The following TNRC6C variants were observed in gnomAD, a reference collection of about 807,000 sequenced individuals.
TNRC6C encodes the protein trinucleotide repeat containing adaptor 6C.
A neutral mutation model predicts 153.7 loss-of-function variants in TNRC6C; 20 were observed. The ratio of observed to expected loss-of-function variants is 0.13; its 90% CI spans 0.09 to 0.19. The LOEUF (loss-of-function observed/expected upper bound fraction) is 0.19, where lower values mean the gene tolerates loss of function less well. TNRC6C is among the 10% of genes least tolerant of loss of function. The pLI, the probability that TNRC6C is intolerant of heterozygous loss-of-function variation, is 1.00. For synonymous variants in TNRC6C, 811 were observed against 841.4 expected (o/e 0.96, Z 0.63); for missense variants, 1,987 against 2,172.0 (o/e 0.91, Z 1.69).
At chr17:78,095,384 A>G (rs1946513247) in intron 16 of TNRC6C, among the ~76,000 whole-genome samples, 1 of 152,230 alleles carries the variant, frequency 6.6e-6, no homozygotes, top group Non-Finnish European at 1.5e-5. Context: ...TAAGCCTAGG[A>G]AATGCATTGG....
intron 16 of TNRC6C, chr17:78,097,755 G>T (rs1475155214): frequency 8.4e-6 from 13 of 1,548,750 alleles, no homozygotes; most frequent in Non-Finnish European, 1.1e-5. Context: ...GGTCCTCCCC[G>T]CCATCATCTC....
At chr17:77,978,972 T>G (rs980086505) in intron 1 of TNRC6C, among the ~76,000 whole-genome samples, 4 of 152,172 alleles carry the variant, frequency 2.6e-5, no homozygotes, top group Non-Finnish European at 5.9e-5. Flanking sequence ...TCAGCCTATC[T>G]CCACAGTTTT....
chr17:78,003,911 T>A (rs2143181442), upstream of TNRC6C, among the ~76,000 whole-genome samples: 1 of 152,288 alleles, frequency 6.6e-6, no homozygotes, highest in Non-Finnish European at 1.5e-5. Context: ...CTCCATATCA[T>A]ACCCTTATCC....
chr17:77,990,008 G>A lies in TNRC6C; in HGVS notation c.-37-14162G>A, dbSNP rs939637272. On this transcript the variant is annotated intron_variant, in intron 1 of 22. Transcript: ENST00000636222. ...TCCCTTCCCCAGTTTAATGTTTCAAGCATCTCAAACGCGAGGTGTCCTTCT... is the reference window on the plus strand; with the variant it reads ...TCCCTTCCCCAGTTTAATGTTTCAAACATCTCAAACGCGAGGTGTCCTTCT... Among the ~76,000 whole-genome samples the A allele has an allele frequency of 2.7e-4, 41 of 152,128 alleles. 1 individual carries two copies. Among genetic ancestry groups the A allele is most frequent in the Admixed American group, 1.1e-3 (17 of 15,266 alleles).
chr17:77,987,163 C>G (rs1205815292), intron 1 of TNRC6C, among the ~76,000 whole-genome samples: 1 of 152,078 alleles, frequency 6.6e-6, no homozygotes, highest in Non-Finnish European at 1.5e-5. Flanking sequence ...TATGAAGAAG[C>G]CCACTAAGAA....
intron 1 of TNRC6C, among the ~76,000 whole-genome samples, chr17:77,984,676 C>T (rs1315181243): frequency 6.6e-6 from 1 of 152,214 alleles, no homozygotes; most frequent in African/African-American, 2.4e-5. Context: ...GGAAGTTTCT[C>T]TGCCTCCCAG....
At chr17:78,061,091 C>T (rs2072759276) in intron 3 of TNRC6C, among the ~76,000 whole-genome samples, 1 of 152,028 alleles carries the variant, frequency 6.6e-6, no homozygotes, top group Admixed American at 6.6e-5. Flanking sequence ...TTTTATTATC[C>T]CCATCTCTGT....
At chr17:78,006,723 T>C (rs574693934) in intron 1 of TNRC6C, among the ~76,000 whole-genome samples, 1 of 152,100 alleles carries the variant, frequency 6.6e-6, no homozygotes, top group South Asian at 2.1e-4. Context: ...AAATTGCTTA[T>C]TACTGAACAG....
exon 20 of TNRC6C, chr17:78,106,348 G>A (rs1159836526): frequency 2.6e-5 from 4 of 151,402 alleles, no homozygotes; most frequent in East Asian, 1.9e-4. Context: ...TTGTTCCCTC[G>A]GCCATCGTCG....
At chr17:78,044,214 C>G (rs1419788999) in intron 2 of TNRC6C, among the ~76,000 whole-genome samples, 1 of 152,124 alleles carries the variant, frequency 6.6e-6, no homozygotes, top group African/African-American at 2.4e-5. Context: ...ATAGATAACC[C>G]AGTATTTTTG....
chr17:78,104,836 G>T lies in TNRC6C; in HGVS notation c.5064G>T (p.Glu1688Asp). Residue 1688 changes from glutamate to aspartate, a missense_variant, in exon 20 of 20, where the codon GAG becomes GAT. Glu to Asp is a conservative substitution (Grantham distance 45). Transcript: ENST00000301624. This position sits in a 1 kb window ranked among gnomAD's most constrained non-coding sequence, Gnocchi z 6.2. The stretch of plus-strand genomic sequence containing the variant: ...TGCCTGGGGACCTGCTCAGCGGGGA[G>T]TCCCTGTAGGCTCTGCCATCATCAG... 7.0e-7 allele frequency: 1 copy of T among 1,432,324 alleles called. No homozygotes were observed. The allele number at this position is 1,432,324 out of a possible 1,614,324, so 88.7% of individuals were successfully genotyped here. A position where few individuals can be genotyped will look rare whatever the true frequency, so the allele number is the denominator to read the frequency against.
exon 20 of TNRC6C, chr17:78,105,026 G>A (rs574909625): frequency 1.5e-6 from 1 of 654,840 alleles, no homozygotes; most frequent in African/African-American, 1.9e-5. Context: ...GGGCTGCGGT[G>A]GGTCAGCGTC....
At chr17:77,978,062 A>G (rs1312377332) in intron 1 of TNRC6C, among the ~76,000 whole-genome samples, 1 of 151,218 alleles carries the variant, frequency 6.6e-6, no homozygotes, top group Admixed American at 6.6e-5. Flanking sequence ...CGCCCAGCTA[A>G]TTTTTTTTGT....
intron 1 of TNRC6C, among the ~76,000 whole-genome samples, chr17:77,997,892 G>A (rs1322729062): frequency 6.6e-6 from 1 of 152,138 alleles, no homozygotes; most frequent in African/African-American, 2.4e-5. Context: ...CTGACCTCGT[G>A]ATCCACCCAC....
At chr17:77,962,861 T>C (rs1049691367) in intron 1 of TNRC6C, among the ~76,000 whole-genome samples, 1 of 152,220 alleles carries the variant, frequency 6.6e-6, no homozygotes, top group Admixed American at 6.5e-5. Flanking sequence ...CTGGTCCCAG[T>C]GAAGGTGACT....
chr17:77,969,541 C>T (rs985347680), intron 1 of TNRC6C, among the ~76,000 whole-genome samples: 2 of 152,158 alleles, frequency 1.3e-5, no homozygotes, highest in Non-Finnish European at 1.5e-5. Flanking sequence ...TGAGTCACCA[C>T]GCCCGGCAAT....
intron 1 of TNRC6C, among the ~76,000 whole-genome samples, chr17:78,005,298 A>T (rs9892104): frequency 0.015 from 2,298 of 152,246 alleles, 69 homozygotes; most frequent in African/African-American, 0.053. Flanking sequence ...GAAGAATGTT[A>T]TATTAGCTTT....
At chr17:78,071,236 C>T in intron 6 of TNRC6C, 71 bp downstream of exon 8, 1 of 1,452,670 alleles carries the variant, frequency 6.9e-7, no homozygotes, top group Non-Finnish European at 9.5e-7. Flanking sequence ...GTTTCCTCTC[C>T]ATGTTTGTTA....
chr17:78,000,786 C>A (rs1408444075), upstream of TNRC6C, among the ~76,000 whole-genome samples: 1 of 152,124 alleles, frequency 6.6e-6, no homozygotes, highest in East Asian at 1.9e-4. Context: ...CAAAAACAGG[C>A]CCCTGCCCTC....
Sources: gnomAD v4.1 joint callset for allele counts (sites outside exome capture counted in the v4.1 genomes callset) on GRCh38, gnomAD v4.1.1 for gene constraint, Gnocchi (gnomAD v3.1) non-coding constraint, MANE v1.5 for transcripts, NCBI Gene and HGNC (gene_info 2026-07-23, HGNC 2026-07-21) for gene names.